Variants in SMG6 observed in about 807,000 individuals in gnomAD.
The protein encoded by SMG6 is telomerase-binding protein EST1A.
In SMG6, 66 loss-of-function variants were observed where a neutral mutation model predicts 142.2. The observed-to-expected ratio is 0.46, with a 90% CI of 0.38 to 0.57. The LOEUF (loss-of-function observed/expected upper bound fraction) is 0.57, where lower values mean the gene tolerates loss of function less well. SMG6 is among the 20% of genes least tolerant of loss of function. SMG6 has a pLI of 0.00. For synonymous variants in SMG6, 779 were observed against 702.4 expected (o/e 1.11, Z -1.72); for missense variants, 1,793 against 1,832.0 (o/e 0.98, Z 0.39).
intron 10 of SMG6, among the ~76,000 whole-genome samples, chr17:2,211,226 T>C (rs909869377): frequency 9.9e-5 from 15 of 151,780 alleles, no homozygotes; most frequent in Non-Finnish European, 1.3e-4. Flanking sequence ...AAAAAATACA[T>C]AGACAAATTC....
chr17:2,291,310 G>C (rs535580363), intron 6 of SMG6, among the ~76,000 whole-genome samples: 1 of 151,252 alleles, frequency 6.6e-6, no homozygotes, highest in East Asian at 2.0e-4. Flanking sequence ...CAGCCTGAGC[G>C]ACAGAGCGAG....
At chr17:2,257,243 A>G (rs1597724787) in intron 8 of SMG6, among the ~76,000 whole-genome samples, 1 of 151,748 alleles carries the variant, frequency 6.6e-6, no homozygotes, top group African/African-American at 2.4e-5. Flanking sequence ...GTGCCACCAC[A>G]CCCAGCTAAT....
intron 13 of SMG6, among the ~76,000 whole-genome samples, chr17:2,121,635 GT>G (rs1425711145): frequency 1.6e-4 from 11 of 66,976 alleles, no homozygotes; most frequent in East Asian, 3.3e-4. Flanking sequence ...GTGTGTGTGT[GT>G]GTGTGTGTGT....
chr17:2,265,065 A>T (rs2074391200), intron 8 of SMG6, among the ~76,000 whole-genome samples: 1 of 152,192 alleles, frequency 6.6e-6, no homozygotes, highest in Admixed American at 6.5e-5. Context: ...GTAAACCTTA[A>T]CAAAATGTTT....
intron 12 of SMG6, among the ~76,000 whole-genome samples, chr17:2,179,401 A>G (rs2071740333): frequency 6.6e-6 from 1 of 152,158 alleles, no homozygotes; most frequent in South Asian, 2.1e-4. Flanking sequence ...TTTCTATCTC[A>G]TCTACAGAGT....
At position 2,299,852 on chromosome 17, in the gene SMG6, T is replaced by C; in HGVS notation, c.901A>G (p.Thr301Ala). ...ATTCTGTCCTCGTCTAAGGAATCGGTTGAGGACACAGACACTTGCTTCTTC... is the reference window on the plus strand; with the variant it reads ...ATTCTGTCCTCGTCTAAGGAATCGGCTGAGGACACAGACACTTGCTTCTTC... ...RLKKQVSVSS[T>A]DSLDEDRIDE... The change falls in exon 2 of 19, where the codon ACC (threonine) becomes GCC (alanine). Residue 301 changes from threonine to alanine, a missense_variant. Coordinates refer to ENST00000263073, the MANE Select transcript of SMG6 (RefSeq NM_017575.5). This position sits in a 1 kb window ranked among gnomAD's most constrained non-coding sequence, Gnocchi z 4.3. The C allele has an allele frequency of 1.2e-6, 2 of 1,614,154 alleles. No homozygotes were observed. The highest frequency in any genetic ancestry group is 1.7e-6 in the Non-Finnish European group (2 of 1,179,974).
chr17:2,088,665 G>A, intron 13 of SMG6: 8 of 985,466 alleles, frequency 8.1e-6, no homozygotes, highest in Non-Finnish European at 9.6e-6. Flanking sequence ...CCAAGCAGCA[G>A]GGAGGATGGT....
chr17:2,145,581 G>A (rs1210815107), intron 13 of SMG6, among the ~76,000 whole-genome samples: 2 of 135,854 alleles, frequency 1.5e-5, no homozygotes, highest in Non-Finnish European at 1.5e-5. Flanking sequence ...TTGGGAGGCC[G>A]AAATGGCCGA....
chr17:2,267,508 G>A (rs1325050591), intron 8 of SMG6, among the ~76,000 whole-genome samples: 1 of 152,004 alleles, frequency 6.6e-6, no homozygotes, highest in East Asian at 1.9e-4. Context: ...GCAAGATATG[G>A]AGTCTTTATA....
intron 10 of SMG6, among the ~76,000 whole-genome samples, chr17:2,235,512 A>C (rs2073625761): frequency 6.6e-6 from 1 of 152,164 alleles, no homozygotes; most frequent in Non-Finnish European, 1.5e-5. Flanking sequence ...TGCTATGAAA[A>C]GGGGCAACAA....
chr17:2,148,748 A>G (rs983258380), intron 13 of SMG6, among the ~76,000 whole-genome samples: 7 of 152,090 alleles, frequency 4.6e-5, no homozygotes, highest in Non-Finnish European at 1.0e-4. Context: ...AATCCCAACT[A>G]CTTAGAAGGC....
At chr17:2,203,511 A>G (rs1376738770) in intron 10 of SMG6, among the ~76,000 whole-genome samples, 1 of 152,228 alleles carries the variant, frequency 6.6e-6, no homozygotes, top group Admixed American at 6.5e-5. Context: ...GGAAAAGCAA[A>G]GGAAGAGTAG....
At chr17:2,211,651 G>A (rs1408282078) in intron 10 of SMG6, among the ~76,000 whole-genome samples, 6 of 139,996 alleles carry the variant, frequency 4.3e-5, no homozygotes, top group African/African-American at 8.2e-5. Context: ...GAGACAGAGC[G>A]AGACTCCATC....
intron 18 of SMG6, among the ~76,000 whole-genome samples, chr17:2,064,713 C>G (rs1288848485): frequency 6.6e-6 from 1 of 152,016 alleles, no homozygotes; most frequent in Non-Finnish European, 1.5e-5. Flanking sequence ...GGGCTGGGCT[C>G]GGGAGACCAT....
At chr17:2,277,980 A>G (rs1302526187) in intron 8 of SMG6, among the ~76,000 whole-genome samples, 1 of 152,146 alleles carries the variant, frequency 6.6e-6, no homozygotes, top group African/African-American at 2.4e-5. Context: ...CCCAGGAAAT[A>G]GAGGCTCCAG....
intron 13 of SMG6, among the ~76,000 whole-genome samples, chr17:2,143,891 G>A (rs2070571356): frequency 6.6e-6 from 1 of 152,030 alleles, no homozygotes; most frequent in Non-Finnish European, 1.5e-5. Context: ...TAACTGAAGT[G>A]TACTAAAACT....
intron 13 of SMG6, among the ~76,000 whole-genome samples, chr17:2,116,852 C>T (rs571412732): frequency 7.8e-6 from 1 of 128,166 alleles, no homozygotes; most frequent in African/African-American, 3.3e-5. Flanking sequence ...AAAAAAAAAA[C>T]ACCCTATAAA....
At chr17:2,112,232 C>T (rs62067980) in intron 13 of SMG6, among the ~76,000 whole-genome samples, 2,813 of 151,714 alleles carry the variant, frequency 0.019, 36 homozygotes, top group Middle Eastern at 0.027. Flanking sequence ...CGGCCGGGCG[C>T]GGTGGCTCAC....
intron 8 of SMG6, among the ~76,000 whole-genome samples, chr17:2,275,060 G>C (rs1040975871): frequency 6.6e-6 from 1 of 151,166 alleles, no homozygotes; most frequent in Non-Finnish European, 1.5e-5. Flanking sequence ...ACCTAATTAT[G>C]TAGGTTCCTA....
Sources: gnomAD v4.1 joint callset for allele counts (sites outside exome capture counted in the v4.1 genomes callset) on GRCh38, gnomAD v4.1.1 for gene constraint, Gnocchi (gnomAD v3.1) non-coding constraint, MANE v1.5 for transcripts, NCBI Gene and HGNC (gene_info 2026-07-23, HGNC 2026-07-21) for gene names.